BNC2: variants seen among roughly 807,000 people sequenced by gnomAD.
The protein encoded by BNC2 is zinc finger protein basonuclin-2.
In BNC2, 20 loss-of-function variants were observed where a neutral mutation model predicts 76.3. The ratio of observed to expected loss-of-function variants is 0.26; its 90% CI spans 0.18 to 0.38. The LOEUF is 0.38. BNC2 is among the 10% of genes least tolerant of loss of function. The pLI, the probability that BNC2 is intolerant of heterozygous loss-of-function variation, is 1.00. For missense variants in BNC2, 1,382 were observed against 1,399.8 expected (o/e 0.99, Z 0.20); for synonymous variants, 582 against 514.8 (o/e 1.13, Z -1.77).
intron 5 of BNC2, among the ~76,000 whole-genome samples, chr9:16,473,737 G>C (rs1278867468): frequency 3.3e-5 from 5 of 152,070 alleles, no homozygotes; most frequent in Non-Finnish European, 4.4e-5. Flanking sequence ...GCCGGGTGTG[G>C]TGGTGTACTC....
chr9:16,776,842 G>A (rs1314885986), intron 1 of BNC2, among the ~76,000 whole-genome samples: 1 of 152,156 alleles, frequency 6.6e-6, no homozygotes, highest in Non-Finnish European at 1.5e-5. Context: ...TAGGACAGTG[G>A]CAGCCAGGCG....
chr9:16,689,760 T>C (rs1249601540), intron 3 of BNC2, among the ~76,000 whole-genome samples: 1 of 151,652 alleles, frequency 6.6e-6, no homozygotes, highest in Non-Finnish European at 1.5e-5. Context: ...GAAGACCCAA[T>C]AGCACTCCAG....
chr9:16,448,092 C>T (rs1423412883), intron 5 of BNC2, among the ~76,000 whole-genome samples: 1 of 151,984 alleles, frequency 6.6e-6, no homozygotes, highest in African/African-American at 2.4e-5. Context: ...AAGATAAATC[C>T]CTGGTCTTAG....
chr9:16,714,416 G>A (rs10962548), intron 3 of BNC2, among the ~76,000 whole-genome samples: 63,387 of 152,122 alleles, frequency 0.42, 17,794 homozygotes, highest in Non-Finnish European at 0.63. Flanking sequence ...TTCTGAAAGC[G>A]TTAAGTCACA....
Position 16,766,248 on chromosome 9 carries a change from A to G in BNC2, c.4-27763T>C, listed in dbSNP as rs7850192. Reference sequence around the variant, plus strand: ...TTTTCCTGTGTGATATATCATACTTATCTCTGCAACCATCCATCACTGTTT... The same window carrying G: ...TTTTCCTGTGTGATATATCATACTTGTCTCTGCAACCATCCATCACTGTTT... On this transcript the variant is annotated intron_variant, in intron 1 of 6. Transcript: ENST00000380672. 4.4e-3 allele frequency among the ~76,000 whole-genome samples: 666 copies of G among 152,240 alleles called. 2 individuals carry two copies. Among genetic ancestry groups the G allele is most frequent in the African/African-American group, 0.015 (629 of 41,522 alleles).
chr9:16,528,600 T>C (rs78880478), intron 5 of BNC2, among the ~76,000 whole-genome samples: 3,305 of 152,340 alleles, frequency 0.022, 130 homozygotes, highest in African/African-American at 0.074. Context: ...ACAATAGTTT[T>C]AGAAGTACCT....
chr9:16,564,223 T>C (rs997965191), intron 4 of BNC2, among the ~76,000 whole-genome samples: 3 of 152,240 alleles, frequency 2.0e-5, no homozygotes, highest in African/African-American at 4.8e-5. Flanking sequence ...TGCTGTAAGA[T>C]ATTCGTAAGT....
intron 3 of BNC2, among the ~76,000 whole-genome samples, chr9:16,622,074 G>A (rs571687210): frequency 1.8e-3 from 276 of 152,178 alleles, no homozygotes; most frequent in Non-Finnish European, 3.0e-3. Context: ...TGTGATGACC[G>A]TGGTCTTCTT....
chr9:16,688,840 G>C (rs2134386427), intron 3 of BNC2, among the ~76,000 whole-genome samples: 1 of 152,252 alleles, frequency 6.6e-6, no homozygotes, highest in South Asian at 2.1e-4. Flanking sequence ...GGGACCCTCT[G>C]AAATCCCCAG....
At chr9:16,703,811 TCTGA>T (rs570130524) in intron 3 of BNC2, among the ~76,000 whole-genome samples, 170 of 152,310 alleles carry the variant, frequency 1.1e-3, no homozygotes, top group African/African-American at 3.9e-3. Flanking sequence ...TACATGACTT[TCTGA>T]CTGATAATGT....
At chr9:16,651,265 C>T (rs931653252) in intron 3 of BNC2, among the ~76,000 whole-genome samples, 1 of 152,128 alleles carries the variant, frequency 6.6e-6, no homozygotes, top group African/African-American at 2.4e-5. Context: ...AAATGAGAAT[C>T]TGTTTATTCA....
At chr9:16,769,426 A>G (rs2135446111) in intron 1 of BNC2, among the ~76,000 whole-genome samples, 1 of 152,292 alleles carries the variant, frequency 6.6e-6, no homozygotes, top group African/African-American at 2.4e-5. Flanking sequence ...GGAAAATGCC[A>G]CTCAGTCAGT....
At chr9:16,441,829 T>C (rs546943714) in intron 5 of BNC2, among the ~76,000 whole-genome samples, 4 of 152,320 alleles carry the variant, frequency 2.6e-5, no homozygotes, top group East Asian at 3.9e-4. Flanking sequence ...ACAGTATAAA[T>C]TGTCAAATAA....
At position 16,436,056 on chromosome 9, in the gene BNC2, G is replaced by C; in HGVS notation, c.2138C>G (p.Ser713Cys). 1 of 1,614,186 alleles carries C rather than the reference G, an allele frequency of 6.2e-7. No homozygotes were observed. The highest frequency in any genetic ancestry group is 1.1e-5 in the South Asian group (1 of 91,078). The change falls in exon 6 of 7, where the codon TCT becomes TGT. Residue 713 changes from serine (S) to cysteine (C), a missense_variant. Transcript: ENST00000380672. Reference sequence around the variant, plus strand: ...GTCCCGCTCAGGTTCTTGGTCTTCAGAAGTCATGCTGTCGGCCCTCCTTAT... The same window carrying C: ...GTCCCGCTCAGGTTCTTGGTCTTCACAAGTCATGCTGTCGGCCCTCCTTAT... ...TEIRRADSMT[S>C]EDQEPERDYE... is the part of the protein sequence containing the mutation.
At chr9:16,756,708 G>C (rs1056100762) in intron 1 of BNC2, among the ~76,000 whole-genome samples, 1 of 152,128 alleles carries the variant, frequency 6.6e-6, no homozygotes, top group Admixed American at 6.5e-5. Flanking sequence ...ACTAGACCTA[G>C]GCTGGGCACA....
intron 5 of BNC2, among the ~76,000 whole-genome samples, chr9:16,494,972 A>T (rs1822356206): frequency 6.6e-6 from 1 of 152,202 alleles, no homozygotes; most frequent in South Asian, 2.1e-4. Flanking sequence ...TAGAACTTAA[A>T]GTATAATAAA....
chr9:16,664,456 C>T (rs751050633), intron 3 of BNC2, among the ~76,000 whole-genome samples: 5 of 152,104 alleles, frequency 3.3e-5, no homozygotes, highest in Non-Finnish European at 7.3e-5. Flanking sequence ...GACTCATAAG[C>T]CTATACCAAG....
intron 1 of BNC2, among the ~76,000 whole-genome samples, chr9:16,852,797 G>C (rs1254743535): frequency 6.8e-6 from 1 of 146,686 alleles, no homozygotes; most frequent in Non-Finnish European, 1.5e-5. Context: ...CCCTGCAAAA[G>C]TGTGAAAAAA....
intron 3 of BNC2, among the ~76,000 whole-genome samples, chr9:16,616,753 G>T (rs1820709267): frequency 6.9e-6 from 1 of 145,334 alleles, no homozygotes; most frequent in South Asian, 2.3e-4. Flanking sequence ...AGGAAGGAGG[G>T]CAGGAAGACA....
Sources: gnomAD v4.1 joint callset for allele counts (sites outside exome capture counted in the v4.1 genomes callset) on GRCh38, gnomAD v4.1.1 for gene constraint, MANE v1.5 for transcripts, NCBI Gene and HGNC (gene_info 2026-07-23, HGNC 2026-07-21) for gene names.